The following PPP2R2D variants were observed in gnomAD, a reference collection of about 807,000 sequenced individuals.
PPP2R2D encodes the protein serine/threonine-protein phosphatase 2A 55 kDa regulatory subunit B delta isoform.
A neutral mutation model predicts 31.1 loss-of-function variants in PPP2R2D; 9 were observed. That is an observed-to-expected ratio of 0.29 (90% CI 0.17 to 0.51). PPP2R2D has a LOEUF of 0.51. Ranked by LOEUF, PPP2R2D falls within the 20% of genes least tolerant of loss-of-function variation. The probability of loss-of-function intolerance (pLI) is 0.98; values close to 1 mark genes in which losing one functional copy is unlikely to be tolerated. For synonymous variants in PPP2R2D, 179 were observed against 172.6 expected (o/e 1.04, Z -0.29); for missense variants, 391 against 465.6 (o/e 0.84, Z 1.48).
Position 131,959,344 on chromosome 10 carries a change from T to C in PPP2R2D, c.*3381T>C, listed in dbSNP as rs1193615331. 1 of 152,648 alleles carries C rather than the reference T, an allele frequency of 6.6e-6. No homozygotes were observed. Among genetic ancestry groups the C allele is most frequent in the East Asian group, 2.1e-4 (1 of 4,814 alleles). The allele number at this position is 152,648 out of a possible 1,614,324, so 9.5% of individuals were successfully genotyped here. ...CCCCTGTGGAGATGAAGGCGTGTGC[T>C]CATCCCCCATCCCCCTGTGGAGATG... On this transcript the variant is annotated 3_prime_UTR_variant, in exon 9 of 9. Transcript: ENST00000455566.
At chr10:131,907,066 A>G (rs1758681221) in intron 2 of PPP2R2D, among the ~76,000 whole-genome samples, 2 of 152,230 alleles carry the variant, frequency 1.3e-5, no homozygotes, top group Admixed American at 6.5e-5. Context: ...ATCTAATTTC[A>G]GAGATACTAA....
At chr10:131,960,437 G>A (rs1554901274), downstream of PPP2R2D, among the ~76,000 whole-genome samples, 1 of 152,200 alleles carries the variant, frequency 6.6e-6, no homozygotes, top group African/African-American at 2.4e-5. Flanking sequence ...AAAGAAAAAT[G>A]GAGCTCCTAT....
chr10:131,923,641 G>A (rs1373719296), intron 2 of PPP2R2D, among the ~76,000 whole-genome samples: 1 of 152,116 alleles, frequency 6.6e-6, no homozygotes, highest in Admixed American at 6.5e-5. Context: ...GTTGTGAACT[G>A]GTATCTGGTG....
downstream of PPP2R2D, among the ~76,000 whole-genome samples, chr10:131,962,616 G>A (rs2036939683): frequency 1.3e-5 from 2 of 152,182 alleles, no homozygotes; most frequent in African/African-American, 4.8e-5. Flanking sequence ...TGGAGACTGG[G>A]TCCCTTGCAG....
intron 5 of PPP2R2D, among the ~76,000 whole-genome samples, chr10:131,942,042 C>T (rs2036451754): frequency 6.6e-6 from 1 of 152,186 alleles, no homozygotes; most frequent in Non-Finnish European, 1.5e-5. Flanking sequence ...TTGTGCAGTT[C>T]CATCATCATG....
At chr10:131,905,860 G>A (rs1052361269) in intron 2 of PPP2R2D, among the ~76,000 whole-genome samples, 1 of 152,242 alleles carries the variant, frequency 6.6e-6, no homozygotes, top group Non-Finnish European at 1.5e-5. Context: ...CGGCCGTCCA[G>A]CCTTGGGATG....
intron 2 of PPP2R2D, among the ~76,000 whole-genome samples, chr10:131,927,470 G>C (rs1225226621): frequency 6.6e-6 from 1 of 152,194 alleles, no homozygotes; most frequent in Admixed American, 6.5e-5. Flanking sequence ...GTGAGAGTCC[G>C]AGTGAAGACG....
intron 2 of PPP2R2D, among the ~76,000 whole-genome samples, chr10:131,906,099 G>T (rs1183184681): frequency 6.6e-6 from 1 of 152,184 alleles, no homozygotes; most frequent in Non-Finnish European, 1.5e-5. Flanking sequence ...CGTCAAGCAA[G>T]TGCTGCAGCA....
intron 2 of PPP2R2D, among the ~76,000 whole-genome samples, chr10:131,917,701 G>A (rs1485391797): frequency 7.8e-6 from 1 of 128,686 alleles, no homozygotes; most frequent in Non-Finnish European, 1.6e-5. Context: ...GACCTCAGGC[G>A]GGTGGAATGA....
chr10:131,903,975 G>A (rs1380380520), intron 2 of PPP2R2D, among the ~76,000 whole-genome samples: 1 of 151,978 alleles, frequency 6.6e-6, no homozygotes, highest in African/African-American at 2.4e-5. Flanking sequence ...AGGCTGAGGC[G>A]GGTGGATCAC....
chr10:131,901,819 C>A (rs1296349553), intron 2 of PPP2R2D, among the ~76,000 whole-genome samples: 4 of 152,114 alleles, frequency 2.6e-5, no homozygotes, highest in Non-Finnish European at 5.9e-5. Flanking sequence ...ATCGGCGGTG[C>A]GCTCTTGAGC....
intron 2 of PPP2R2D, among the ~76,000 whole-genome samples, chr10:131,931,356 A>G (rs1362928225): frequency 6.6e-6 from 1 of 151,442 alleles, no homozygotes. Flanking sequence ...TTTTTTTGTT[A>G]TTTTTTACTG....
At chr10:131,955,224 G>C (rs2036771647) in intron 8 of PPP2R2D, among the ~76,000 whole-genome samples, 1 of 152,142 alleles carries the variant, frequency 6.6e-6, no homozygotes. Context: ...TGCCTCATTT[G>C]AAAGAAACTT....
At chr10:131,906,185 A>G (rs2035579295) in intron 2 of PPP2R2D, among the ~76,000 whole-genome samples, 1 of 152,048 alleles carries the variant, frequency 6.6e-6, no homozygotes, top group African/African-American at 2.4e-5. Context: ...TTGCTCCTTT[A>G]TATATTACAC....
Position 131,955,898 on chromosome 10 carries a change from G to A in PPP2R2D, c.1297G>A (p.Val433Met), listed in dbSNP as rs782537292. 1.1e-5 allele frequency: 17 copies of A among 1,596,018 alleles called. No individual in the cohort carries two copies. The highest frequency in any genetic ancestry group is 5.4e-5 in the African/African-American group (4 of 74,126). The change falls in exon 9 of 9, where the codon GTG becomes ATG. Residue 433 changes from valine (V) to methionine (M), a missense_variant. Val to Met is a conservative substitution (Grantham distance 21). Around this residue, in one of 3 missense-constraint regions of PPP2R2D, gnomAD observed 163 missense variants for 179.5 expected, o/e 0.91. Transcript: ENST00000455566. ...KKILHTAWHP[V>M]DNVIAVAATN... The stretch of plus-strand genomic sequence containing the variant: ...GATCCTGCACACAGCCTGGCACCCC[G>A]TGGACAATGTCATTGCCGTGGCTGC...
chr10:131,970,842 GTGACAC>G, the PPP2R2D span: 3 of 1,614,036 alleles, frequency 1.9e-6, no homozygotes, highest in Non-Finnish European at 2.5e-6. The surrounding 1 kb of genome is among the most constrained non-coding windows in gnomAD (Gnocchi z 4.1). Flanking sequence ...GGGTGCCCCC[GTGACAC>G]TGAGAACACA....
chr10:131,936,695 T>G (rs7077135), intron 3 of PPP2R2D, among the ~76,000 whole-genome samples: 4 of 152,092 alleles, frequency 2.6e-5, no homozygotes, highest in African/African-American at 9.7e-5. Context: ...CTAAAAGATA[T>G]TGGGTATTAT....
At chr10:131,931,451 G>A (rs1291563970) in intron 2 of PPP2R2D, among the ~76,000 whole-genome samples, 2 of 152,160 alleles carry the variant, frequency 1.3e-5, no homozygotes, top group Admixed American at 6.5e-5. Context: ...TGGTTCAAGC[G>A]ATTCTCCTGC....
chr10:131,913,701 T>C (rs2035722359), intron 2 of PPP2R2D, among the ~76,000 whole-genome samples: 1 of 152,070 alleles, frequency 6.6e-6, no homozygotes, highest in Non-Finnish European at 1.5e-5. Flanking sequence ...CAAGCCCAGG[T>C]GGTAGGGCTC....
Sources: allele counts gnomAD v4.1 joint callset (sites outside exome capture counted in the v4.1 genomes callset), GRCh38; gene constraint gnomAD v4.1.1; regional missense constraint gnomAD v4.1.1; non-coding constraint Gnocchi (gnomAD v3.1); transcripts MANE v1.5; gene names NCBI Gene and HGNC (gene_info 2026-07-23, HGNC 2026-07-21).